UBE2E2: variants seen among roughly 807,000 people sequenced by gnomAD.
The protein encoded by UBE2E2 is ubiquitin-conjugating enzyme E2 E2.
In UBE2E2, 6 loss-of-function variants were observed where a neutral mutation model predicts 24.7. The observed-to-expected ratio is 0.24, with a 90% CI of 0.13 to 0.48. UBE2E2 has a LOEUF of 0.48. Ranked by LOEUF, UBE2E2 falls within the 20% of genes least tolerant of loss-of-function variation. UBE2E2 has a pLI of 0.99. For missense variants in UBE2E2, 169 were observed against 245.0 expected (o/e 0.69, Z 2.07); for synonymous variants, 104 against 83.6 (o/e 1.24, Z -1.33).
chr3:23,507,597 A>G (rs1401859178), intron 4 of UBE2E2, among the ~76,000 whole-genome samples: 2 of 152,378 alleles, frequency 1.3e-5, no homozygotes, highest in African/African-American at 2.4e-5. Flanking sequence ...CGCACAGGCC[A>G]CAAAGGAAGT....
chr3:23,398,505 C>T (rs1406074626), intron 3 of UBE2E2, among the ~76,000 whole-genome samples: 1 of 151,992 alleles, frequency 6.6e-6, no homozygotes, highest in Non-Finnish European at 1.5e-5. Flanking sequence ...ATAGTGATAA[C>T]TTGTGGTGGG....
chr3:23,216,713 T>G (rs1021877111), intron 2 of UBE2E2, among the ~76,000 whole-genome samples: 1 of 152,064 alleles, frequency 6.6e-6, no homozygotes, highest in Non-Finnish European at 1.5e-5. Flanking sequence ...GCAATGACAT[T>G]AATTGCTCAT....
intron 3 of UBE2E2, among the ~76,000 whole-genome samples, chr3:23,386,276 T>TA (rs1231079111): frequency 6.6e-6 from 1 of 152,142 alleles, no homozygotes. Context: ...TCCTTGTTTA[T>TA]AGAACAGCAC....
intron 5 of UBE2E2, among the ~76,000 whole-genome samples, chr3:23,572,707 A>G (rs896456528): frequency 6.6e-6 from 1 of 152,166 alleles, no homozygotes; most frequent in Admixed American, 6.5e-5. Flanking sequence ...GCTGCAAAGG[A>G]TATGATTTTG....
intron 3 of UBE2E2, among the ~76,000 whole-genome samples, chr3:23,235,452 G>T (rs564599043): frequency 6.6e-6 from 1 of 152,118 alleles, no homozygotes; most frequent in African/African-American, 2.4e-5. Context: ...GAGGGGGAGT[G>T]GGGAGTGGGC....
chr3:23,219,682 C>T (rs1696571595), intron 3 of UBE2E2, among the ~76,000 whole-genome samples: 1 of 152,136 alleles, frequency 6.6e-6, no homozygotes, highest in South Asian at 2.1e-4. Flanking sequence ...AGAAAGCATC[C>T]CCTTACTCTG....
chr3:23,537,744 TTTGA>T (rs1345770228), intron 5 of UBE2E2, among the ~76,000 whole-genome samples: 1 of 152,204 alleles, frequency 6.6e-6, no homozygotes, highest in Non-Finnish European at 1.5e-5. Context: ...ATACCTTAGC[TTTGA>T]TTGTTATTAA....
chr3:23,486,310 A>G (rs942929874), intron 3 of UBE2E2, among the ~76,000 whole-genome samples: 8 of 152,172 alleles, frequency 5.3e-5, no homozygotes, highest in Non-Finnish European at 1.0e-4. Context: ...ACATCCAGAC[A>G]AGGGGAATGC....
At chr3:23,244,284 T>C (rs1327278122) in intron 3 of UBE2E2, among the ~76,000 whole-genome samples, 2 of 152,202 alleles carry the variant, frequency 1.3e-5, no homozygotes, top group African/African-American at 4.8e-5. Context: ...ATAATTATGT[T>C]GTCACCATAT....
intron 3 of UBE2E2, among the ~76,000 whole-genome samples, chr3:23,438,445 G>T (rs999729166): frequency 5.3e-5 from 8 of 152,296 alleles, no homozygotes; most frequent in African/African-American, 1.7e-4. Context: ...TGTATTTTCT[G>T]TAGTGATAGA....
intron 3 of UBE2E2, among the ~76,000 whole-genome samples, chr3:23,286,185 T>G (rs1391352600): frequency 1.3e-5 from 2 of 152,200 alleles, no homozygotes; most frequent in African/African-American, 4.8e-5. Flanking sequence ...TTGATGTGAT[T>G]CCATTTGCCC....
At chr3:23,349,764 A>G (rs1056689390) in intron 3 of UBE2E2, among the ~76,000 whole-genome samples, 2 of 152,236 alleles carry the variant, frequency 1.3e-5, no homozygotes, top group Admixed American at 6.5e-5. Context: ...CCACAGCCCA[A>G]GGAGGCCTGC....
rs543073260 is a variant in UBE2E2 at position 23,521,040 on chromosome 3, T to C, written c.361-11514T>C. On this transcript the variant is annotated intron_variant, in intron 4 of 5. Transcript: ENST00000396703. ...CATCACTTCTAGCTAGTTTGACAAA[T>C]ACTTTGTATTGTGTTGTATATGAAC... is the stretch of plus-strand genomic sequence containing the variant. 2.0e-5 allele frequency among the ~76,000 whole-genome samples: 3 copies of C among 152,354 alleles called. No individual in the cohort carries two copies. The South Asian group carries it at 6.2e-4, about 32-fold the overall frequency.
chr3:23,489,271 C>T, intron 3 of UBE2E2, among the ~76,000 whole-genome samples: 1 of 151,932 alleles, frequency 6.6e-6, no homozygotes, highest in Admixed American at 6.6e-5. Flanking sequence ...AATTATATAA[C>T]TCACCATCAT....
chr3:23,580,052 T>A (rs1696440727), intron 5 of UBE2E2, among the ~76,000 whole-genome samples: 1 of 151,832 alleles, frequency 6.6e-6, no homozygotes, highest in Non-Finnish European at 1.5e-5. Flanking sequence ...AGATGAAGAG[T>A]TGCTTATTAT....
chr3:23,240,866 G>A (rs1697241724), intron 3 of UBE2E2, among the ~76,000 whole-genome samples: 1 of 152,018 alleles, frequency 6.6e-6, no homozygotes, highest in Admixed American at 6.6e-5. Context: ...TCATAGATGT[G>A]CTAAATGAAG....
chr3:23,293,003 G>A (rs545625243), intron 3 of UBE2E2, among the ~76,000 whole-genome samples: 1 of 152,300 alleles, frequency 6.6e-6, no homozygotes, highest in Admixed American at 6.5e-5. Context: ...AACCTGGGAG[G>A]TGGAGATTGC....
chr3:23,406,957 G>A (rs1417608548), intron 3 of UBE2E2, among the ~76,000 whole-genome samples: 1 of 152,186 alleles, frequency 6.6e-6, no homozygotes, highest in African/African-American at 2.4e-5. Flanking sequence ...CATGAGGAGG[G>A]CAGGGGCTGG....
intron 3 of UBE2E2, among the ~76,000 whole-genome samples, chr3:23,479,282 G>A (rs1485994738): frequency 1.3e-5 from 2 of 152,250 alleles, no homozygotes; most frequent in African/African-American, 4.8e-5. Flanking sequence ...AGGCATGCCA[G>A]CTGCTGTGGT....
Sources: allele counts gnomAD v4.1 joint callset (sites outside exome capture counted in the v4.1 genomes callset), GRCh38; gene constraint gnomAD v4.1.1; transcripts MANE v1.5; gene names NCBI Gene and HGNC (gene_info 2026-07-23, HGNC 2026-07-21).